The following KCNJ5 variants were observed in gnomAD, a reference collection of about 807,000 sequenced individuals.
The protein encoded by KCNJ5 is potassium inwardly rectifying channel subfamily J member 5.
A neutral mutation model predicts 20.2 loss-of-function variants in KCNJ5; 12 were observed. The observed-to-expected ratio is 0.59, with a 90% CI of 0.38 to 0.96. The LOEUF (loss-of-function observed/expected upper bound fraction) is 0.96, where lower values mean the gene tolerates loss of function less well. Among genes scored for constraint, KCNJ5 ranks in the 40% least tolerant of loss-of-function variants. KCNJ5 has a pLI of 0.00. For synonymous variants in KCNJ5, 210 were observed against 213.9 expected (o/e 0.98, Z 0.16); for missense variants, 449 against 557.6 (o/e 0.81, Z 1.96).
intron 1 of KCNJ5, among the ~76,000 whole-genome samples, chr11:128,909,073 A>T (rs2135996838): frequency 6.6e-6 from 1 of 152,354 alleles, no homozygotes; most frequent in Admixed American, 6.5e-5. Flanking sequence ...GCCAATGGAC[A>T]TCTGGGACAA....
At chr11:128,910,776 T>C (rs1421438400) in intron 1 of KCNJ5, among the ~76,000 whole-genome samples, 1 of 152,244 alleles carries the variant, frequency 6.6e-6, no homozygotes, top group African/African-American at 2.4e-5. Context: ...GCTTACATTC[T>C]GATGGTGGGA....
chr11:128,914,404 C>T (rs111857590), intron 2 of KCNJ5, among the ~76,000 whole-genome samples: 1 of 152,288 alleles, frequency 6.6e-6, no homozygotes, highest in African/African-American at 2.4e-5. Context: ...CTTGTCCTCA[C>T]GGTTTGGCCT....
Position 128,892,396 on chromosome 11 carries a change from C to T in KCNJ5, c.-11+675C>T, listed in dbSNP as rs1030752847. ...AGAGCTGTTGGCCCCCTGGTTTTATCTGTGCCTTCCCTCAAACAGGGCTCT... is the reference window on the plus strand; with the variant it reads ...AGAGCTGTTGGCCCCCTGGTTTTATTTGTGCCTTCCCTCAAACAGGGCTCT... On this transcript the variant is annotated intron_variant, in intron 1 of 2. Transcript: ENST00000529694. Among the ~76,000 whole-genome samples the T allele has an allele frequency of 3.3e-5, 5 of 152,174 alleles. No homozygotes were observed. In the East Asian group the frequency reaches 9.6e-4, roughly 29 times the overall value.
At chr11:128,898,488 T>C (rs2135984286) in intron 1 of KCNJ5, among the ~76,000 whole-genome samples, 1 of 152,388 alleles carries the variant, frequency 6.6e-6, no homozygotes, top group East Asian at 1.9e-4. Context: ...AGTTAGCGCA[T>C]GAGCAGTGCC....
intron 1 of KCNJ5, among the ~76,000 whole-genome samples, chr11:128,895,761 G>C (rs927344736): frequency 6.6e-6 from 1 of 152,382 alleles, no homozygotes; most frequent in African/African-American, 2.4e-5. Context: ...TCCAGCATCC[G>C]TGCTGCGCGC....
At chr11:128,895,385 C>A (rs76720533) in intron 1 of KCNJ5, among the ~76,000 whole-genome samples, 6 of 103,654 alleles carry the variant, frequency 5.8e-5, no homozygotes, top group Admixed American at 1.9e-4. Context: ...TGCCCCCACC[C>A]CCCCCCCAAC....
chr11:128,905,616 C>A (rs1164281601), intron 1 of KCNJ5: 2 of 152,528 alleles, frequency 1.3e-5, no homozygotes, highest in Non-Finnish European at 2.9e-5. Flanking sequence ...CTCTGGCGAC[C>A]CCGGAAGCGA....
At chr11:128,915,286 G>T (rs934626251) in intron 2 of KCNJ5, among the ~76,000 whole-genome samples, 1 of 152,214 alleles carries the variant, frequency 6.6e-6, no homozygotes, top group Non-Finnish European at 1.5e-5. Flanking sequence ...GGCATGGCAC[G>T]GGCTGAGTAG....
At chr11:128,906,374 G>C (rs925737603) in intron 1 of KCNJ5, among the ~76,000 whole-genome samples, 4 of 152,272 alleles carry the variant, frequency 2.6e-5, no homozygotes, top group African/African-American at 9.6e-5. Context: ...GATGACCACA[G>C]ACATAGTGGC....
intron 1 of KCNJ5, chr11:128,900,869 A>G (rs1345917365): frequency 6.6e-6 from 1 of 152,214 alleles, no homozygotes; most frequent in Non-Finnish European, 1.5e-5. Context: ...TAATAATTCC[A>G]CATACTAGGA....
At chr11:128,897,209 G>T (rs12790975) in intron 1 of KCNJ5, among the ~76,000 whole-genome samples, 3 of 149,670 alleles carry the variant, frequency 2.0e-5, no homozygotes, top group Non-Finnish European at 4.4e-5. Flanking sequence ...GTGATTCTCC[G>T]GCCTCAGCCT....
intron 1 of KCNJ5, among the ~76,000 whole-genome samples, chr11:128,896,839 A>G (rs1944184805): frequency 1.3e-5 from 2 of 152,134 alleles, no homozygotes; most frequent in Non-Finnish European, 2.9e-5. Context: ...TCTGGGATAA[A>G]TGCCCAGAAG....
rs763940447 is a variant in KCNJ5 at position 128,911,748 on chromosome 11, G to C, written c.475G>C (p.Glu159Gln). ...TGGGTATGGCTTCCGAGTCATCACA[G>C]AGAAGTGTCCAGAGGGGATTATACT... is the stretch of plus-strand genomic sequence containing the variant. ...TIGYGFRVIT[E>Q]KCPEGIILLL... The change falls in exon 2 of 3, where the codon GAG becomes CAG. Residue 159 changes from glutamate (E) to glutamine (Q), a missense_variant. Coordinates refer to ENST00000529694, the MANE Select transcript of KCNJ5 (RefSeq NM_000890.5). The surrounding 1 kb of genome is among the most constrained non-coding windows in gnomAD (Gnocchi z 6.3). 4 of 1,614,190 alleles carry C rather than the reference G, an allele frequency of 2.5e-6. No individual in the cohort carries two copies. Among genetic ancestry groups the C allele is most frequent in the Middle Eastern group, 3.3e-4 (2 of 6,062 alleles).
At chr11:128,895,830 G>C (rs540138952) in intron 1 of KCNJ5, among the ~76,000 whole-genome samples, 1 of 152,370 alleles carries the variant, frequency 6.6e-6, no homozygotes, top group Non-Finnish European at 1.5e-5. Flanking sequence ...ATGGAGCAGG[G>C]AAGGCTTCTA....
chr11:128,907,157 T>A (rs1255505551), intron 1 of KCNJ5, among the ~76,000 whole-genome samples: 1 of 152,134 alleles, frequency 6.6e-6, no homozygotes, highest in African/African-American at 2.4e-5. Flanking sequence ...TCCAACTTCA[T>A]CCCGTGTTTC....
intron 1 of KCNJ5, among the ~76,000 whole-genome samples, chr11:128,897,882 G>A (rs932942700): frequency 6.6e-5 from 10 of 152,136 alleles, no homozygotes; most frequent in African/African-American, 9.7e-5. Context: ...CAATTGCTCC[G>A]GCACCATTTG....
At position 128,911,392 on chromosome 11, in the gene KCNJ5, C is replaced by T. The variant is rs185412918; in HGVS notation, c.119C>T (p.Thr40Met). 29 of 1,614,196 alleles carry T rather than the reference C, an allele frequency of 1.8e-5. No homozygotes were observed. The highest frequency in any genetic ancestry group is 1.7e-4 in the Admixed American group (10 of 60,030). Residue 40 changes from threonine (T) to methionine (M), a missense_variant, in exon 2 of 3, where the codon ACG (threonine) becomes ATG (methionine). By Grantham distance (81) the Thr-to-Met change is moderately conservative. Coordinates refer to ENST00000529694, the MANE Select transcript of KCNJ5 (RefSeq NM_000890.5). The surrounding 1 kb of genome is among the most constrained non-coding windows in gnomAD (Gnocchi z 6.3). Reference sequence around the variant, plus strand: ...TATGTCCCCATTGCCACAGACCGTACGCGCCTGCTGGCCGAGGGCAAGAAG... The same window carrying T: ...TATGTCCCCATTGCCACAGACCGTATGCGCCTGCTGGCCGAGGGCAAGAAG... ...RDYVPIATDR[T>M]RLLAEGKKPR... is the part of the protein sequence containing the mutation.
intron 1 of KCNJ5, among the ~76,000 whole-genome samples, chr11:128,903,714 G>A (rs1944335638): frequency 6.6e-6 from 1 of 152,164 alleles, no homozygotes; most frequent in African/African-American, 2.4e-5. Context: ...AGGGACCTCT[G>A]GGGGCAAGTA....
intron 1 of KCNJ5, among the ~76,000 whole-genome samples, chr11:128,904,977 C>G (rs1039532141): frequency 3.3e-5 from 5 of 152,218 alleles, no homozygotes; most frequent in Non-Finnish European, 7.3e-5. Context: ...TTATTACCAC[C>G]GGGCTCTGTG....
Sources: allele counts gnomAD v4.1 joint callset (sites outside exome capture counted in the v4.1 genomes callset), GRCh38; gene constraint gnomAD v4.1.1; non-coding constraint Gnocchi (gnomAD v3.1); transcripts MANE v1.5; gene names NCBI Gene and HGNC (gene_info 2026-07-23, HGNC 2026-07-21).